The following ESR1 variants were observed in gnomAD, a reference collection of about 807,000 sequenced individuals.
The protein encoded by ESR1 is estrogen receptor.
Under a neutral mutation model 52.7 loss-of-function variants are expected in ESR1, and 12 were observed. The ratio of observed to expected loss-of-function variants is 0.23; its 90% CI spans 0.15 to 0.37. The LOEUF is 0.37. ESR1 is among the 10% of genes least tolerant of loss of function. ESR1 has a pLI of 1.00. For synonymous variants in ESR1, 305 were observed against 316.8 expected, an observed-to-expected ratio of 0.96 and a Z score of 0.39; for missense variants, 584 against 779.7, an observed-to-expected ratio of 0.75 and a Z score of 2.99.
intron 5 of ESR1, among the ~76,000 whole-genome samples, chr6:152,032,477 G>A (rs989632239): frequency 6.6e-5 from 10 of 152,024 alleles, no homozygotes; most frequent in African/African-American, 2.2e-4. Flanking sequence ...AAAAATCACA[G>A]GCATTCTTAT....
chr6:152,084,709 A>C (rs1439287820), intron 6 of ESR1, among the ~76,000 whole-genome samples: 1 of 152,112 alleles, frequency 6.6e-6, no homozygotes, highest in Non-Finnish European at 1.5e-5. Context: ...TAATTGAAAA[A>C]AAAAAAAAAA....
chr6:151,726,476 C>T (rs1007406098), intron 2 of ESR1, among the ~76,000 whole-genome samples: 2 of 152,060 alleles, frequency 1.3e-5, no homozygotes, highest in Non-Finnish European at 2.9e-5. Flanking sequence ...GGACTACAGG[C>T]GCCTGCCACC....
chr6:151,935,447 A>G (rs1369211658), intron 3 of ESR1, among the ~76,000 whole-genome samples: 1 of 152,152 alleles, frequency 6.6e-6, no homozygotes, highest in African/African-American at 2.4e-5. Flanking sequence ...TCACTCCTGG[A>G]CTGCAGATCT....
At chr6:152,084,713 A>AC (rs1554335970) in intron 6 of ESR1, among the ~76,000 whole-genome samples, 3 of 152,158 alleles carry the variant, frequency 2.0e-5, no homozygotes, top group Non-Finnish European at 4.4e-5. Flanking sequence ...TGAAAAAAAA[A>AC]AAAAAACAGT....
intron 6 of ESR1, among the ~76,000 whole-genome samples, chr6:152,084,627 A>C (rs2049539255): frequency 6.6e-6 from 1 of 151,506 alleles, no homozygotes; most frequent in African/African-American, 2.4e-5. Flanking sequence ...ATGGACTGCA[A>C]GTTTGGCTCT....
At position 152,098,876 on chromosome 6, in the gene ESR1, C is replaced by T. The variant is rs61757379; in HGVS notation, c.1698C>T (p.Ser566=). 24 of 1,614,210 alleles carry T rather than the reference C, an allele frequency of 1.5e-5. No individual in the cohort carries two copies. In the East Asian group the frequency reaches 4.9e-4, roughly 33 times the overall value. Residue 566 remains serine, a synonymous_variant, in exon 8 of 8, where the codon AGC becomes AGT. Coordinates refer to ENST00000206249, the MANE Select transcript of ESR1 (RefSeq NM_000125.4). The surrounding 1 kb of genome is among the most constrained non-coding windows in gnomAD (Gnocchi z 5.1). ...CATCCGTGGAGGAGACGGACCAAAG[C>T]CACTTGGCCACTGCGGGCTCTACTT... ...GGASVEETDQ[S]HLATAGSTSS...
At chr6:151,930,964 T>C (rs1471661344) in intron 3 of ESR1, among the ~76,000 whole-genome samples, 1 of 152,154 alleles carries the variant, frequency 6.6e-6, no homozygotes, top group Non-Finnish European at 1.5e-5. Flanking sequence ...TTTCTCCCTG[T>C]CTTTGGTTTT....
At chr6:151,679,960 A>G (rs536289333) in intron 1 of ESR1, among the ~76,000 whole-genome samples, 1 of 152,144 alleles carries the variant, frequency 6.6e-6, no homozygotes, top group Admixed American at 6.5e-5. Context: ...TGTACTCCCC[A>G]TCTCTAATCC....
Position 152,070,574 on chromosome 6 carries a change from C to A in ESR1, c.1369+9450C>A, listed in dbSNP as rs142872509. ...CAAACTGTTCTGTAAAGTTTTGAGT[C>A]TAGACCAAACTCACAGCACTTAGCC... On this transcript the variant is annotated intron_variant, in intron 6 of 7. Coordinates refer to ENST00000206249, the MANE Select transcript of ESR1 (RefSeq NM_000125.4). Among the ~76,000 whole-genome samples, 2 of 138,450 alleles carry A rather than the reference C, an allele frequency of 1.4e-5. 1 individual carries two copies. Among genetic ancestry groups the A allele is most frequent in the East Asian group, 4.6e-4 (2 of 4,302 alleles). The allele number at this position is 138,450 out of a possible 152,430, so 90.8% of individuals were successfully genotyped here. A position where few individuals can be genotyped will look rare whatever the true frequency, so the allele number is the denominator to read the frequency against.
intron 2 of ESR1, among the ~76,000 whole-genome samples, chr6:151,874,864 T>C (rs1005477720): frequency 7.2e-5 from 11 of 152,208 alleles, no homozygotes; most frequent in Admixed American, 5.9e-4. Context: ...GCTAATCTTG[T>C]AGAGTTTAGT....
At chr6:152,034,716 T>C (rs1281427841) in intron 5 of ESR1, among the ~76,000 whole-genome samples, 1 of 152,202 alleles carries the variant, frequency 6.6e-6, no homozygotes, top group Non-Finnish European at 1.5e-5. Context: ...TTCATCTGCT[T>C]TGTGGACAGA....
intron 4 of ESR1, among the ~76,000 whole-genome samples, chr6:151,996,148 C>G (rs1336428980): frequency 6.6e-6 from 1 of 152,158 alleles, no homozygotes; most frequent in Non-Finnish European, 1.5e-5. Flanking sequence ...CCCTGATAGT[C>G]TGTATGGGAC....
chr6:151,935,138 A>T (rs2034199814), intron 3 of ESR1, among the ~76,000 whole-genome samples: 1 of 152,190 alleles, frequency 6.6e-6, no homozygotes, highest in Non-Finnish European at 1.5e-5. Context: ...AAATTACATG[A>T]TGTAACTTTG....
At chr6:151,997,210 A>G (rs2041572664) in intron 4 of ESR1, among the ~76,000 whole-genome samples, 1 of 152,132 alleles carries the variant, frequency 6.6e-6, no homozygotes, top group Non-Finnish European at 1.5e-5. Context: ...GGAAGTCAGT[A>G]TTGGCATATG....
intron 6 of ESR1, among the ~76,000 whole-genome samples, chr6:152,071,805 A>G (rs1385838910): frequency 6.6e-6 from 1 of 152,230 alleles, no homozygotes; most frequent in African/African-American, 2.4e-5. Context: ...AGGATTATAA[A>G]TAACATTTGT....
chr6:152,039,567 G>T (rs1395804408), intron 5 of ESR1, among the ~76,000 whole-genome samples: 2 of 152,134 alleles, frequency 1.3e-5, no homozygotes, highest in Non-Finnish European at 2.9e-5. Flanking sequence ...AGAACGTAAT[G>T]CTGTGGAACA....
chr6:151,949,883 C>T (rs750799425), intron 4 of ESR1, among the ~76,000 whole-genome samples: 4 of 152,168 alleles, frequency 2.6e-5, no homozygotes, highest in Admixed American at 6.5e-5. Flanking sequence ...GGGCATTTTG[C>T]CCACCCTCCT....
intron 2 of ESR1, among the ~76,000 whole-genome samples, chr6:151,879,471 G>A (rs760148935): frequency 6.6e-6 from 1 of 152,108 alleles, no homozygotes; most frequent in Non-Finnish European, 1.5e-5. Flanking sequence ...GATAGAAGAT[G>A]GAAGTTAGAG....
chr6:151,901,318 C>T (rs1332784239), intron 3 of ESR1, among the ~76,000 whole-genome samples: 1 of 152,182 alleles, frequency 6.6e-6, no homozygotes, highest in African/African-American at 2.4e-5. Flanking sequence ...AGTTTGTTTG[C>T]AGGCAGCGGA....
Sources: gnomAD v4.1 joint callset for allele counts (sites outside exome capture counted in the v4.1 genomes callset) on GRCh38, gnomAD v4.1.1 for gene constraint, Gnocchi (gnomAD v3.1) non-coding constraint, MANE v1.5 for transcripts, NCBI Gene and HGNC (gene_info 2026-07-23, HGNC 2026-07-21) for gene names.